Variants in MCPH1 observed in about 807,000 individuals in gnomAD.
The protein encoded by MCPH1 is microcephalin 1.
In MCPH1, 104 loss-of-function variants were observed where a neutral mutation model predicts 84.5. The ratio of observed to expected loss-of-function variants is 1.23; its 90% CI spans 1.05 to 1.45. The LOEUF is 1.45. MCPH1 is among the 40% of genes most tolerant of loss of function. MCPH1 has a pLI of 0.00. For synonymous variants in MCPH1, 514 were observed against 366.8 expected, an observed-to-expected ratio of 1.40 and a Z score of -4.58; for missense variants, 1,498 against 1,005.7, an observed-to-expected ratio of 1.49 and a Z score of -6.62.
At position 6,517,885 on chromosome 8, in the gene MCPH1, A is replaced by T. The variant is rs547241172; in HGVS notation, c.2214+17956A>T. Among the ~76,000 whole-genome samples, 3 of 152,356 alleles carry T rather than the reference A, an allele frequency of 2.0e-5. No individual in the cohort carries two copies. The East Asian group carries it at 5.8e-4, about 29-fold the overall frequency. ...GAAGGGAATTTAGAAGTAACAATTG[A>T]CACCACTTATTTTTCAAGATGAGAA... On this transcript the variant is annotated intron_variant, in intron 12 of 13. Coordinates refer to ENST00000344683, the MANE Select transcript of MCPH1 (RefSeq NM_024596.5).
chr8:6,491,425 A>T (rs1356178284), intron 11 of MCPH1, among the ~76,000 whole-genome samples: 1 of 148,954 alleles, frequency 6.7e-6, no homozygotes, highest in African/African-American at 2.5e-5. Flanking sequence ...GGACAGAAGG[A>T]CAATTAGCTT....
chr8:6,551,647 C>A (rs1410900306), intron 12 of MCPH1, among the ~76,000 whole-genome samples: 1 of 152,058 alleles, frequency 6.6e-6, no homozygotes, highest in Non-Finnish European at 1.5e-5. Context: ...TGATTCAGGT[C>A]AGGAATTCCT....
At chr8:6,490,544 G>A (rs1388977449) in intron 11 of MCPH1, among the ~76,000 whole-genome samples, 1 of 152,160 alleles carries the variant, frequency 6.6e-6, no homozygotes, top group Admixed American at 6.5e-5. Context: ...CTTTTGAAGA[G>A]AGCTGATGTA....
chr8:6,426,005 G>A (rs2129553301), intron 3 of MCPH1, among the ~76,000 whole-genome samples: 1 of 152,290 alleles, frequency 6.6e-6, no homozygotes, highest in East Asian at 1.9e-4. Context: ...GTAAGAAGAA[G>A]CTGCTAAAAA....
chr8:6,602,634 G>C (rs1387020731), intron 12 of MCPH1, among the ~76,000 whole-genome samples: 1 of 152,010 alleles, frequency 6.6e-6, no homozygotes, highest in African/African-American at 2.4e-5. Flanking sequence ...GCAAATTCCT[G>C]GTCACCCTTT....
At chr8:6,598,777 C>A (rs901896174) in intron 12 of MCPH1, among the ~76,000 whole-genome samples, 1 of 152,240 alleles carries the variant, frequency 6.6e-6, no homozygotes, top group Admixed American at 6.5e-5. Flanking sequence ...CCCCCTGCCA[C>A]CCGAAAGGCG....
chr8:6,635,199 C>G (rs547401361), intron 13 of MCPH1: 164 of 152,296 alleles, frequency 1.1e-3, no homozygotes, highest in Admixed American at 3.5e-3. Context: ...GATAATGAGG[C>G]TCCGGTTGTT....
intron 9 of MCPH1, among the ~76,000 whole-genome samples, chr8:6,471,334 G>A (rs1000540332): frequency 6.6e-6 from 1 of 152,162 alleles, no homozygotes; most frequent in African/African-American, 2.4e-5. Context: ...TTTTAGTTAT[G>A]TCCTGGTAAC....
At chr8:6,478,727 T>G (rs1180643674) in intron 10 of MCPH1, among the ~76,000 whole-genome samples, 1 of 150,400 alleles carries the variant, frequency 6.6e-6, no homozygotes, top group East Asian at 1.9e-4. Context: ...AGCTTTTTAC[T>G]TTTTGTTTTT....
chr8:6,490,268 A>G (rs928206464), intron 11 of MCPH1, among the ~76,000 whole-genome samples: 5 of 152,206 alleles, frequency 3.3e-5, no homozygotes, highest in African/African-American at 1.2e-4. Context: ...AAATAATAGC[A>G]CAGAATATTT....
intron 3 of MCPH1, among the ~76,000 whole-genome samples, chr8:6,419,759 A>G (rs1799895386): frequency 6.6e-6 from 1 of 152,064 alleles, no homozygotes; most frequent in Non-Finnish European, 1.5e-5. Context: ...CCAGCCTCTC[A>G]AAGTGCTGGG....
chr8:6,621,486 G>A lies in MCPH1; in HGVS notation c.2247G>A (p.Gly749=), dbSNP rs1189138313. Residue 749 remains glycine, a synonymous_variant, in exon 13 of 14, where the codon GGG becomes GGA. Coordinates refer to ENST00000344683, the MANE Select transcript of MCPH1 (RefSeq NM_024596.5). Reference sequence around the variant, plus strand: ...GAAGCGAGTGCCACTTGTCTGCAGGGCCGTACCGCGGAACCCTCTTTGCCG... The same window carrying A: ...GAAGCGAGTGCCACTTGTCTGCAGGACCGTACCGCGGAACCCTCTTTGCCG... ...LCRSECHLSA[G]PYRGTLFADQ... The A allele has an allele frequency of 6.2e-7, 1 of 1,614,080 alleles. No homozygotes were observed. The highest frequency in any genetic ancestry group is 2.2e-5 in the East Asian group (1 of 44,882).
chr8:6,511,745 T>C (rs948234984), intron 12 of MCPH1, among the ~76,000 whole-genome samples: 6 of 152,192 alleles, frequency 3.9e-5, no homozygotes, highest in Non-Finnish European at 8.8e-5. Flanking sequence ...TTTTTCTAAA[T>C]GGCCTATCCA....
At chr8:6,479,609 GTT>G (rs903377611) in intron 10 of MCPH1, among the ~76,000 whole-genome samples, 2 of 151,536 alleles carry the variant, frequency 1.3e-5, no homozygotes, top group Non-Finnish European at 2.9e-5. Flanking sequence ...TAATTTTTTT[GTT>G]TTTTTAGTAG....
At position 6,529,195 on chromosome 8, in the gene MCPH1, G is replaced by T. The variant is rs528668485; in HGVS notation, c.2214+29266G>T. On this transcript the variant is annotated intron_variant, in intron 12 of 13. Coordinates refer to ENST00000344683, the MANE Select transcript of MCPH1 (RefSeq NM_024596.5). The stretch of plus-strand genomic sequence containing the variant: ...TGGACCAGCCTGAAGGCGTCCATCT[G>T]CAGGGGACTGTAAATTACCCAGGCC... Among the ~76,000 whole-genome samples, 33 of 152,324 alleles carry T rather than the reference G, an allele frequency of 2.2e-4. No homozygotes were observed. In the East Asian group the frequency reaches 6.4e-3, roughly 29 times the overall value.
At chr8:6,526,080 G>A (rs1818269910) in intron 12 of MCPH1, among the ~76,000 whole-genome samples, 1 of 151,898 alleles carries the variant, frequency 6.6e-6, no homozygotes, top group Non-Finnish European at 1.5e-5. Context: ...TGTGTTCCAG[G>A]AATCACTGCA....
rs534673383 is a variant in MCPH1 at position 6,434,111 on chromosome 8, A to G, written c.322-1937A>G. On this transcript the variant is annotated intron_variant, in intron 4 of 13. Coordinates refer to ENST00000344683, the MANE Select transcript of MCPH1 (RefSeq NM_024596.5). ...CAGTTCCTTCCCACTTGTGCCAACT[A>G]TGCAAGTCTCTTTTCATCTGCAGTG... Among the ~76,000 whole-genome samples, 3 of 152,222 alleles carry G rather than the reference A, an allele frequency of 2.0e-5. No individual in the cohort carries two copies. In the East Asian group the frequency reaches 5.8e-4, roughly 29 times the overall value.
chr8:6,579,762 G>A (rs1051874903), intron 12 of MCPH1, among the ~76,000 whole-genome samples: 3 of 152,152 alleles, frequency 2.0e-5, no homozygotes, highest in African/African-American at 4.8e-5. Context: ...AGCACGTGTC[G>A]CCAGAGGTCA....
chr8:6,490,220 T>G (rs1810408619), intron 11 of MCPH1, among the ~76,000 whole-genome samples: 1 of 152,260 alleles, frequency 6.6e-6, no homozygotes, highest in African/African-American at 2.4e-5. Flanking sequence ...CACTTTTGTT[T>G]CTGACATCTC....
Sources: gnomAD v4.1 joint callset for allele counts (sites outside exome capture counted in the v4.1 genomes callset) on GRCh38, gnomAD v4.1.1 for gene constraint, MANE v1.5 for transcripts, NCBI Gene and HGNC (gene_info 2026-07-23, HGNC 2026-07-21) for gene names.